Variants in SS18L1 observed in about 807,000 individuals in gnomAD.
SS18L1 encodes calcium-responsive transactivator.
Under a neutral mutation model 70.3 loss-of-function variants are expected in SS18L1, and 32 were observed. That is an observed-to-expected ratio of 0.46 (90% confidence interval 0.34 to 0.61). The LOEUF (loss-of-function observed/expected upper bound fraction) is 0.61, where lower values mean the gene tolerates loss of function less well. Ranked by LOEUF, SS18L1 falls within the 20% of genes least tolerant of loss-of-function variation. The pLI is 0.01. For missense variants in SS18L1, 430 were observed against 542.1 expected, an observed-to-expected ratio of 0.79 and a Z score of 2.05; for synonymous variants, 237 against 229.7, an observed-to-expected ratio of 1.03 and a Z score of -0.29.
intron 1 of SS18L1, among the ~76,000 whole-genome samples, chr20:62,150,745 TGGGCTCAA>T (rs2057115480): frequency 7.0e-6 from 1 of 141,916 alleles, no homozygotes; most frequent in Admixed American, 7.4e-5. Flanking sequence ...CTTGTCCTCC[TGGGCTCAA>T]GGGACAGGTG....
intron 1 of SS18L1, among the ~76,000 whole-genome samples, chr20:62,149,988 A>G (rs1235353649): frequency 1.3e-5 from 2 of 152,206 alleles, no homozygotes; most frequent in Non-Finnish European, 2.9e-5. Context: ...CCAAAGCGCC[A>G]TGAGACTGGA....
At chr20:62,173,357 G>A (rs1239408342) in intron 9 of SS18L1, among the ~76,000 whole-genome samples, 1 of 152,204 alleles carries the variant, frequency 6.6e-6, no homozygotes, top group Non-Finnish European at 1.5e-5. Context: ...TATGAGGCAC[G>A]TGCCTGATTC....
rs549466374 is a variant in SS18L1, at chr20:62,174,776, A to T, written c.1164+132A>T. 138 of 1,576,424 alleles carry T rather than the reference A, an allele frequency of 8.8e-5. No homozygotes were observed. In the African/African-American group the frequency reaches 1.7e-3, roughly 19 times the overall value. On this transcript the variant is annotated intron_variant, in intron 10 of 10. Coordinates refer to ENST00000331758, the MANE Select transcript of SS18L1 (RefSeq NM_198935.3). The surrounding 1 kb of genome is among the most constrained non-coding windows in gnomAD (Gnocchi z 4.1). ...TTCCAGGGTTCCTTCCAGAACGTTA[A>T]GTCTCTGAGCCTGTAAGGTTTTGCA...
At chr20:62,172,440 C>T (rs928557432) in intron 8 of SS18L1, among the ~76,000 whole-genome samples, 4 of 152,120 alleles carry the variant, frequency 2.6e-5, no homozygotes, top group Admixed American at 1.3e-4. Flanking sequence ...ATTTGACCCG[C>T]GACGCTGGCG....
intron 10 of SS18L1, among the ~76,000 whole-genome samples, chr20:62,176,894 C>T (rs2057628866): frequency 6.6e-6 from 1 of 152,222 alleles, no homozygotes; most frequent in Admixed American, 6.5e-5. Context: ...TTAAGATAGC[C>T]TTTAGTCAGC....
At chr20:62,148,402 C>T (rs2057070824) in intron 1 of SS18L1, among the ~76,000 whole-genome samples, 1 of 150,358 alleles carries the variant, frequency 6.7e-6, no homozygotes, top group African/African-American at 2.4e-5. Flanking sequence ...GTGAGGGAGG[C>T]TCGGCCTCCT....
In SS18L1 at chr20:62,158,520, A is replaced by G. The variant is rs2057263815; in HGVS notation, c.70-152A>G. The G allele has an allele frequency of 4.6e-6, 6 of 1,294,210 alleles. No individual in the cohort carries two copies. Among genetic ancestry groups the G allele is most frequent in the East Asian group, 2.5e-5 (1 of 39,418 alleles). 80.2% of individuals were successfully genotyped at this position (1,294,210 alleles called of 1,614,324 possible). ...TGCCAAACCGGTGGGTCTAATACAG[A>G]TATCCCCAAATCTGGAAAAATCTGA... On this transcript the variant is annotated intron_variant, in intron 1 of 10. Transcript: ENST00000331758. The surrounding 1 kb of genome is among the most constrained non-coding windows in gnomAD (Gnocchi z 4.5).
intron 8 of SS18L1, among the ~76,000 whole-genome samples, chr20:62,167,375 A>G (rs184591344): frequency 1.1e-4 from 17 of 149,152 alleles, no homozygotes; most frequent in Admixed American, 2.0e-4. Flanking sequence ...CATGGGCAAC[A>G]TGGCAAAACC....
intron 1 of SS18L1, among the ~76,000 whole-genome samples, chr20:62,157,919 AC>A (rs527422835): frequency 1.0e-3 from 148 of 147,800 alleles, no homozygotes; most frequent in African/African-American, 3.3e-3. Flanking sequence ...GCCGTCCCTG[AC>A]CCCCCCAGAC....
chr20:62,150,388 G>A (rs1050914744), intron 1 of SS18L1, among the ~76,000 whole-genome samples: 6 of 152,166 alleles, frequency 3.9e-5, no homozygotes, highest in Non-Finnish European at 8.8e-5. Context: ...AGGTGCCATC[G>A]CTGGCTTAGC....
intron 1 of SS18L1, among the ~76,000 whole-genome samples, chr20:62,152,418 C>T (rs969580550): frequency 1.3e-5 from 2 of 152,222 alleles, no homozygotes; most frequent in Admixed American, 6.5e-5. Flanking sequence ...CTGTCCCCAG[C>T]GCCCTCACCT....
intron 1 of SS18L1, chr20:62,154,276 G>A (rs2057183586): frequency 9.9e-7 from 1 of 1,007,100 alleles, no homozygotes; most frequent in Non-Finnish European, 1.2e-6. Context: ...TGATGACTCT[G>A]ACAGTTTTTG....
intron 4 of SS18L1, among the ~76,000 whole-genome samples, chr20:62,162,336 A>G (rs2057344770): frequency 6.6e-6 from 1 of 151,856 alleles, no homozygotes; most frequent in Non-Finnish European, 1.5e-5. Context: ...GTCTCGCTCT[A>G]GTCGGCCAGG....
rs769452471 is a variant in SS18L1 at position 62,180,116 on chromosome 20, A to G, written c.*908A>G. 7.6e-5 allele frequency: 16 copies of G among 209,958 alleles called. No individual in the cohort carries two copies. Among genetic ancestry groups the G allele is most frequent in the Non-Finnish European group, 1.3e-4 (13 of 103,462 alleles). 13.0% of individuals were successfully genotyped at this position (209,958 alleles called of 1,614,324 possible). On this transcript the variant is annotated 3_prime_UTR_variant, in exon 11 of 11. Transcript: ENST00000331758. ...TTGATAGGTAATTTTAAATATTCAAACCAAATCTTCCCAACAGTTGGCAAG... is the reference window on the plus strand; with the variant it reads ...TTGATAGGTAATTTTAAATATTCAAGCCAAATCTTCCCAACAGTTGGCAAG...
Position 62,161,372 on chromosome 20 carries a change from G to A in SS18L1, c.232-64G>A, listed in dbSNP as rs1331730604. The A allele has an allele frequency of 6.2e-7, 1 of 1,611,366 alleles. No individual in the cohort carries two copies. Among genetic ancestry groups the A allele is most frequent in the African/African-American group, 1.3e-5 (1 of 74,792 alleles). On this transcript the variant is annotated intron_variant, in intron 3 of 10. Transcript: ENST00000331758. This position sits in a 1 kb window ranked among gnomAD's most constrained non-coding sequence, Gnocchi z 4.4. ...TCGGGTGCCCTCTCATCCCTGGCCT[G>A]GCTTGTGGAGGTCGCTCTCCGTAAA... is the stretch of plus-strand genomic sequence containing the variant.
chr20:62,168,636 T>C (rs115208931), intron 8 of SS18L1, among the ~76,000 whole-genome samples: 4,020 of 148,630 alleles, frequency 0.027, 182 homozygotes, highest in African/African-American at 0.094. Context: ...CTAGGCAACA[T>C]AGTAAGACCC....
At chr20:62,169,199 A>T (rs2057486480) in intron 8 of SS18L1, among the ~76,000 whole-genome samples, 1 of 152,248 alleles carries the variant, frequency 6.6e-6, no homozygotes, top group Non-Finnish European at 1.5e-5. Flanking sequence ...ACCGCCCATG[A>T]GCTGCCAAAG....
rs202120372 is a variant in SS18L1, at chr20:62,159,845, G to A, written c.147-32G>A. On this transcript the variant is annotated intron_variant, in intron 2 of 10. Transcript: ENST00000331758. This position sits in a 1 kb window ranked among gnomAD's most constrained non-coding sequence, Gnocchi z 4.4. ...CACGTGGGGACTCTGTGGTCCCGTC[G>A]TCCTGCCTCATGCGTGCCCCCTCTC... The A allele has an allele frequency of 2.2e-4, 349 of 1,606,060 alleles. 2 individuals are homozygous for A. Among genetic ancestry groups the A allele is most frequent in the Middle Eastern group, 8.4e-4 (5 of 5,974 alleles).
chr20:62,150,387 C>A (rs1321504426), intron 1 of SS18L1, among the ~76,000 whole-genome samples: 1 of 152,192 alleles, frequency 6.6e-6, no homozygotes, highest in Non-Finnish European at 1.5e-5. Flanking sequence ...CAGGTGCCAT[C>A]GCTGGCTTAG....
Sources: allele counts gnomAD v4.1 joint callset (sites outside exome capture counted in the v4.1 genomes callset), GRCh38; gene constraint gnomAD v4.1.1; non-coding constraint Gnocchi (gnomAD v3.1); transcripts MANE v1.5; gene names NCBI Gene and HGNC (gene_info 2026-07-23, HGNC 2026-07-21).